ATF7IP: variants seen among roughly 807,000 people sequenced by gnomAD.
The protein encoded by ATF7IP is activating transcription factor 7 interacting protein, also known as activating transcription factor 7-interacting protein 1.
In ATF7IP, 23 loss-of-function variants were observed where a neutral mutation model predicts 106.4. The ratio of observed to expected loss-of-function variants is 0.22; its 90% CI spans 0.16 to 0.31. The LOEUF is 0.31. Among genes scored for constraint, ATF7IP ranks in the 10% least tolerant of loss-of-function variants. The pLI is 1.00. For synonymous variants in ATF7IP, 542 were observed against 539.0 expected, an observed-to-expected ratio of 1.01 and a Z score of -0.08; for missense variants, 1,334 against 1,524.3, an observed-to-expected ratio of 0.88 and a Z score of 2.08.
chr12:14,493,618 A>C (rs1428591310), intron 13 of ATF7IP, among the ~76,000 whole-genome samples: 3 of 152,016 alleles, frequency 2.0e-5, no homozygotes, highest in Non-Finnish European at 4.4e-5. Flanking sequence ...GAATTTACAA[A>C]CTCAGTGTCC....
chr12:14,405,181 T>A (rs1940493177), intron 1 of ATF7IP, among the ~76,000 whole-genome samples: 2 of 149,564 alleles, frequency 1.3e-5, no homozygotes, highest in Non-Finnish European at 3.0e-5. Context: ...GAGATCTTGC[T>A]ATCAAAAGTG....
chr12:14,491,431 C>T (rs918593931), intron 13 of ATF7IP, among the ~76,000 whole-genome samples: 2 of 152,192 alleles, frequency 1.3e-5, no homozygotes, highest in Non-Finnish European at 2.9e-5. Context: ...TAGAAGATCC[C>T]TGAATTTGGT....
Position 14,500,952 on chromosome 12 carries a change from A to G in ATF7IP, c.*2879A>G, listed in dbSNP as rs1232342465. 1.3e-5 allele frequency: 2 copies of G among 152,310 alleles called. No individual in the cohort carries two copies. Among genetic ancestry groups the G allele is most frequent in the East Asian group, 3.9e-4 (2 of 5,182 alleles). The allele number at this position is 152,310 out of a possible 1,614,324, so 9.4% of individuals were successfully genotyped here. A position where few individuals can be genotyped will look rare whatever the true frequency, so the allele number is the denominator to read the frequency against. On this transcript the variant is annotated 3_prime_UTR_variant, in exon 15 of 15. Coordinates refer to ENST00000261168, the MANE Select transcript of ATF7IP (RefSeq NM_018179.5). ...AGAAATCGCAATTATTTAGGGGAGA[A>G]GTATATTTATTATAAGATGGTGTCC... is the stretch of plus-strand genomic sequence containing the variant.
At chr12:14,420,615 C>T (rs1184066117) in intron 1 of ATF7IP, among the ~76,000 whole-genome samples, 2 of 148,476 alleles carry the variant, frequency 1.3e-5, no homozygotes, top group Non-Finnish European at 3.0e-5. Context: ...GGCGACAGAG[C>T]GAGACTCCGT....
rs542170717 is a variant in ATF7IP at position 14,461,913 on chromosome 12, A to T, written c.2797+780A>T. Among the ~76,000 whole-genome samples the T allele has an allele frequency of 6.1e-4, 93 of 152,282 alleles. No homozygotes were observed. In the South Asian group the frequency reaches 0.012, roughly 19 times the overall value. On this transcript the variant is annotated intron_variant, in intron 9 of 14. Coordinates refer to ENST00000261168, the MANE Select transcript of ATF7IP (RefSeq NM_018179.5). ...ACAGTATTTTTCTTATTGATGTTGT[A>T]AGTGACCATGTAATATAGGAAACAA...
intron 13 of ATF7IP, among the ~76,000 whole-genome samples, chr12:14,487,509 C>T (rs1248385165): frequency 6.6e-6 from 1 of 152,162 alleles, no homozygotes; most frequent in African/African-American, 2.4e-5. Flanking sequence ...TTTATTTCCT[C>T]AGACAAAGTT....
chr12:14,443,831 A>G (rs1942824528), intron 5 of ATF7IP, among the ~76,000 whole-genome samples: 1 of 152,198 alleles, frequency 6.6e-6, no homozygotes, highest in African/African-American at 2.4e-5. Flanking sequence ...ACTACCTCAT[A>G]TAAGGACAAT....
chr12:14,399,425 G>A (rs549589384), intron 1 of ATF7IP, among the ~76,000 whole-genome samples: 2 of 152,008 alleles, frequency 1.3e-5, no homozygotes, highest in Admixed American at 6.6e-5. Context: ...GATATTCTAA[G>A]TTATTAATAT....
chr12:14,490,783 T>G (rs4764094), intron 13 of ATF7IP, among the ~76,000 whole-genome samples: 85,919 of 151,872 alleles, frequency 0.57, 24,736 homozygotes, highest in African/African-American at 0.67. Context: ...ACTTCTGCCG[T>G]CCGCACCTGC....
intron 1 of ATF7IP, among the ~76,000 whole-genome samples, chr12:14,421,453 T>TC (rs1454802948): frequency 6.6e-6 from 1 of 152,184 alleles, no homozygotes; most frequent in Non-Finnish European, 1.5e-5. Context: ...GAGGGAAGGA[T>TC]CTGTTCCAGG....
At chr12:14,375,419 A>G (rs1414668702) in intron 1 of ATF7IP, among the ~76,000 whole-genome samples, 1 of 152,166 alleles carries the variant, frequency 6.6e-6, no homozygotes, top group Non-Finnish European at 1.5e-5. Context: ...CTACGTATGT[A>G]AATTAATAAG....
At position 14,453,788 on chromosome 12, in the gene ATF7IP, C is replaced by G. The variant is rs114136972; in HGVS notation, c.1996-2773C>G. 4.4e-3 allele frequency among the ~76,000 whole-genome samples: 673 copies of G among 152,164 alleles called. 4 individuals are homozygous for G. Among genetic ancestry groups the G allele is most frequent in the African/African-American group, 0.016 (649 of 41,512 alleles). On this transcript the variant is annotated intron_variant, in intron 6 of 14. Transcript: ENST00000261168. Reference sequence around the variant, plus strand: ...TACAGGTGCCCACCATCACGCTCGGCTAATTTTTGTATGTTTAGTAGATAC... The same window carrying G: ...TACAGGTGCCCACCATCACGCTCGGGTAATTTTTGTATGTTTAGTAGATAC...
At chr12:14,413,463 A>C (rs116522822) in intron 1 of ATF7IP, among the ~76,000 whole-genome samples, 1 of 152,168 alleles carries the variant, frequency 6.6e-6, no homozygotes, top group Non-Finnish European at 1.5e-5. Flanking sequence ...CAATTGCTGA[A>C]CATTCTATTA....
intron 6 of ATF7IP, among the ~76,000 whole-genome samples, chr12:14,448,044 T>C (rs1943054139): frequency 1.4e-5 from 2 of 143,046 alleles, no homozygotes; most frequent in East Asian, 4.0e-4. Context: ...TTGGATTTAT[T>C]TTCTTTTCCT....
chr12:14,467,637 A>G (rs953015374), intron 10 of ATF7IP, among the ~76,000 whole-genome samples: 4 of 152,074 alleles, frequency 2.6e-5, no homozygotes, highest in African/African-American at 9.7e-5. Flanking sequence ...AACTTTAAAC[A>G]AAGGATTTAT....
intron 6 of ATF7IP, among the ~76,000 whole-genome samples, chr12:14,455,447 T>C (rs889137944): frequency 6.6e-6 from 1 of 152,206 alleles, no homozygotes; most frequent in African/African-American, 2.4e-5. Context: ...ATATAAAAAG[T>C]AGCAAGATGT....
chr12:14,383,673 C>T (rs921969339), intron 1 of ATF7IP, among the ~76,000 whole-genome samples: 1 of 152,160 alleles, frequency 6.6e-6, no homozygotes, highest in Non-Finnish European at 1.5e-5. Context: ...CTGCATCAGC[C>T]TCTTGAGTAG....
intron 6 of ATF7IP, among the ~76,000 whole-genome samples, chr12:14,447,889 G>A (rs1314800300): frequency 6.6e-6 from 1 of 152,036 alleles, no homozygotes; most frequent in African/African-American, 2.4e-5. Context: ...TCCAAACATA[G>A]CATAAATTGA....
chr12:14,497,325 C>G (rs1025390558), intron 14 of ATF7IP, among the ~76,000 whole-genome samples: 21 of 152,128 alleles, frequency 1.4e-4, no homozygotes, highest in African/African-American at 4.3e-4. Context: ...ATAATTCAAT[C>G]ATAAATTATT....
Sources: allele counts gnomAD v4.1 joint callset (sites outside exome capture counted in the v4.1 genomes callset), GRCh38; gene constraint gnomAD v4.1.1; transcripts MANE v1.5; gene names NCBI Gene and HGNC (gene_info 2026-07-23, HGNC 2026-07-21).